Variants in OPCML observed in about 807,000 individuals in gnomAD.
The protein encoded by OPCML is opioid binding protein/cell adhesion molecule like.
In OPCML, 13 loss-of-function variants were observed where a neutral mutation model predicts 37.8. That is an observed-to-expected ratio of 0.34 (90% CI 0.22 to 0.55). The LOEUF is 0.55. OPCML is among the 20% of genes least tolerant of loss of function. The pLI is 0.91. For synonymous variants in OPCML, 176 were observed against 168.8 expected (o/e 1.04, Z -0.33); for missense variants, 341 against 435.6 (o/e 0.78, Z 1.93).
intron 1 of OPCML, among the ~76,000 whole-genome samples, chr11:133,278,268 C>T (rs1390633784): frequency 6.6e-6 from 1 of 152,132 alleles, no homozygotes; most frequent in African/African-American, 2.4e-5. Context: ...AGCCCAAAGA[C>T]AGCTGGAAAT....
At chr11:132,728,582 C>G (rs1347202645) in intron 2 of OPCML, among the ~76,000 whole-genome samples, 1 of 152,028 alleles carries the variant, frequency 6.6e-6, no homozygotes, top group East Asian at 1.9e-4. Flanking sequence ...TTTTGAAGTT[C>G]TCTCCCTACT....
At chr11:133,196,069 G>A (rs1225223602) in intron 1 of OPCML, among the ~76,000 whole-genome samples, 1 of 152,212 alleles carries the variant, frequency 6.6e-6, no homozygotes, top group Non-Finnish European at 1.5e-5. Flanking sequence ...TTCACGAGCT[G>A]CTGAGATCAG....
intron 1 of OPCML, among the ~76,000 whole-genome samples, chr11:133,331,492 T>C (rs570943263): frequency 1.8e-4 from 27 of 152,330 alleles, no homozygotes; most frequent in African/African-American, 6.3e-4. Flanking sequence ...TCATTATTTT[T>C]AATTTTCAAG....
rs554264916 is a variant in OPCML, at chr11:132,531,292, C to G, written c.380-2106G>C. On this transcript the variant is annotated intron_variant, in intron 3 of 7. Transcript: ENST00000524381. Reference sequence around the variant, plus strand: ...CAAACCTTTCTTTCTAATTTTCTTTCAGATCCTCAAATAAAAGGAAGATAA... The same window carrying G: ...CAAACCTTTCTTTCTAATTTTCTTTGAGATCCTCAAATAAAAGGAAGATAA... Among the ~76,000 whole-genome samples, 152 of 152,334 alleles carry G rather than the reference C, an allele frequency of 1.0e-3. 3 individuals carry two copies. The South Asian group carries it at 0.03, about 31-fold the overall frequency.
At chr11:133,214,882 C>A (rs11223399) in intron 1 of OPCML, among the ~76,000 whole-genome samples, 38,331 of 152,018 alleles carry the variant, frequency 0.25, 4,989 homozygotes, top group African/African-American at 0.3. Flanking sequence ...CACTTACTTA[C>A]GAACAGCTAT....
At chr11:132,940,396 G>T (rs929019400) in intron 2 of OPCML, among the ~76,000 whole-genome samples, 3 of 152,168 alleles carry the variant, frequency 2.0e-5, no homozygotes, top group Admixed American at 6.5e-5. Context: ...GTGTTTTTTG[G>T]TGCAATCTAA....
At chr11:133,136,828 C>CGTGTGTGTGT (rs141952561) in intron 1 of OPCML, among the ~76,000 whole-genome samples, 216 of 126,364 alleles carry the variant, frequency 1.7e-3, no homozygotes, top group East Asian at 8.8e-3. Flanking sequence ...TCTATGTGCA[C>CGTGTGTGTGT]GTGTGTGTGT....
At chr11:132,683,060 G>A (rs944888962) in intron 2 of OPCML, among the ~76,000 whole-genome samples, 3 of 152,158 alleles carry the variant, frequency 2.0e-5, no homozygotes, top group African/African-American at 7.2e-5. Flanking sequence ...TTATATCTAA[G>A]TGGTTGAAGG....
At chr11:133,232,144 A>T (rs1044153637) in intron 1 of OPCML, among the ~76,000 whole-genome samples, 1 of 152,056 alleles carries the variant, frequency 6.6e-6, no homozygotes, top group Non-Finnish European at 1.5e-5. Context: ...CATGACCCAG[A>T]CAGACCAAAG....
intron 1 of OPCML, among the ~76,000 whole-genome samples, chr11:133,406,160 G>A (rs1050841474): frequency 1.8e-4 from 27 of 151,858 alleles, no homozygotes; most frequent in Non-Finnish European, 7.4e-5. Context: ...AACAATAATC[G>A]CAATTCAGTG....
At chr11:132,954,015 G>A (rs1591843190) in intron 1 of OPCML, among the ~76,000 whole-genome samples, 1 of 152,134 alleles carries the variant, frequency 6.6e-6, no homozygotes, top group Admixed American at 6.5e-5. Context: ...CTTGTGTTTT[G>A]TATAACATGT....
At chr11:133,486,309 C>G (rs1290168500) in intron 1 of OPCML, among the ~76,000 whole-genome samples, 1 of 152,116 alleles carries the variant, frequency 6.6e-6, no homozygotes, top group Non-Finnish European at 1.5e-5. Flanking sequence ...GTCAAGTTTC[C>G]AAACTCAACA....
chr11:133,531,185 G>A (rs773841209), intron 1 of OPCML, among the ~76,000 whole-genome samples: 4 of 152,130 alleles, frequency 2.6e-5, no homozygotes, highest in East Asian at 1.9e-4. Context: ...TAGCCCCTTC[G>A]GCATTGTTTG....
intron 2 of OPCML, among the ~76,000 whole-genome samples, chr11:132,846,829 A>G (rs1941561753): frequency 6.6e-6 from 1 of 152,186 alleles, no homozygotes; most frequent in Non-Finnish European, 1.5e-5. Flanking sequence ...AGAGCTCTGT[A>G]TGTCTGAAAT....
At chr11:132,717,316 T>A (rs1329596556) in intron 2 of OPCML, among the ~76,000 whole-genome samples, 1 of 152,184 alleles carries the variant, frequency 6.6e-6, no homozygotes, top group Non-Finnish European at 1.5e-5. Context: ...AAAAACACCC[T>A]AATATTTAAT....
intron 1 of OPCML, among the ~76,000 whole-genome samples, chr11:133,126,464 C>T (rs1287112339): frequency 7.2e-5 from 11 of 152,108 alleles, no homozygotes; most frequent in Admixed American, 3.9e-4. Flanking sequence ...CTTTTAGCTT[C>T]GTTGAATTGA....
chr11:132,646,357 G>T (rs1941151822), intron 3 of OPCML, among the ~76,000 whole-genome samples: 1 of 152,182 alleles, frequency 6.6e-6, no homozygotes, highest in South Asian at 2.1e-4. Context: ...AGAAAAGACG[G>T]TTTGGCCCTG....
chr11:132,676,535 T>A (rs1367768463), intron 2 of OPCML, among the ~76,000 whole-genome samples: 9 of 151,762 alleles, frequency 5.9e-5, no homozygotes, highest in Non-Finnish European at 1.0e-4. Context: ...CAATTATATA[T>A]CTGATAAGTG....
At chr11:132,831,282 G>T (rs576659838) in intron 2 of OPCML, among the ~76,000 whole-genome samples, 2 of 151,196 alleles carry the variant, frequency 1.3e-5, no homozygotes, top group African/African-American at 4.9e-5. Flanking sequence ...CAACAAATTT[G>T]TGTTTCAATG....
Sources: allele counts gnomAD v4.1 joint callset (sites outside exome capture counted in the v4.1 genomes callset), GRCh38; gene constraint gnomAD v4.1.1; transcripts MANE v1.5; gene names NCBI Gene and HGNC (gene_info 2026-07-23, HGNC 2026-07-21).